The following PRR12 variants were observed in gnomAD, a reference collection of about 807,000 sequenced individuals.
The protein encoded by PRR12 is proline rich 12.
A neutral mutation model predicts 138.0 loss-of-function variants in PRR12; 12 were observed. That is an observed-to-expected ratio of 0.09 (90% confidence interval 0.06 to 0.14). PRR12 has a LOEUF of 0.14. Among genes scored for constraint, PRR12 ranks in the 10% least tolerant of loss-of-function variants. PRR12 has a pLI of 1.00. For missense variants in PRR12, 2,692 were observed against 2,861.3 expected (o/e 0.94, Z 1.35); for synonymous variants, 1,567 against 1,291.7 (o/e 1.21, Z -4.57).
Position 49,597,095 on chromosome 19 carries a change from C to T in PRR12, c.2760C>T (p.Gly920=). The T allele has an allele frequency of 6.4e-7, 1 of 1,551,510 alleles. No individual in the cohort carries two copies. The highest frequency in any genetic ancestry group is 8.7e-7 in the Non-Finnish European group (1 of 1,147,750). The change falls in exon 4 of 14, where the codon GGC becomes GGT. Residue 920 remains glycine (G), a synonymous_variant. Transcript: ENST00000418929. This position sits in a 1 kb window ranked among gnomAD's most constrained non-coding sequence, Gnocchi z 6.3. ...CCTACCGCAGCCCCAGCCCGCAAGGCACCAAGGCGCCGCGTTTCGTGCCGC... is the reference window on the plus strand; with the variant it reads ...CCTACCGCAGCCCCAGCCCGCAAGGTACCAAGGCGCCGCGTTTCGTGCCGC... ...AGAYRSPSPQ[G]TKAPRFVPLT... is the part of the protein sequence containing the mutation.
In PRR12 at chr19:49,596,843, T is replaced by TACACCC; in HGVS notation, c.2508_2509insACACCC (p.Pro836_Pro837insThrPro). The TACACCC allele has an allele frequency of 1.3e-6, 2 of 1,546,748 alleles. No individual in the cohort carries two copies. The highest frequency in any genetic ancestry group is 1.7e-6 in the Non-Finnish European group (2 of 1,148,744). ...CCCGCGATGGGGCACCCCAGCCACC[T>TACACCC]CCACCGCCACCCCCGCCTCCACCAC... On this transcript the variant is annotated inframe_insertion, in exon 4 of 14. Coordinates refer to ENST00000418929, the MANE Select transcript of PRR12 (RefSeq NM_020719.3). The surrounding 1 kb of genome is among the most constrained non-coding windows in gnomAD (Gnocchi z 5.6).
rs1568425501 is a variant in PRR12, at chr19:49,601,647, TGCCGCC to T, written c.4506_4511del (p.Pro1506_Pro1507del). ...CCCAGCTCACCACCGCCACCGCCGCTGCCGCCGCCACCTCCACCAGCCATGCCCTCG... is the reference window on the plus strand; with the variant it reads ...CCCAGCTCACCACCGCCACCGCCGCTGCCACCTCCACCAGCCATGCCCTCG... On this transcript the variant is annotated inframe_deletion, in exon 6 of 14. Transcript: ENST00000418929. 2.0e-6 allele frequency: 3 copies of T among 1,535,778 alleles called. No homozygotes were observed. The highest frequency in any genetic ancestry group is 2.0e-5 in the Admixed American group (1 of 50,634).
Position 49,625,101 on chromosome 19 carries a change from C to G in PRR12, c.5869-4C>G. ...GGGGCTGAGGCATCTCCACTCCTAC[C>G]CAGGAGTTCAAGGTTGAGCTGGAAA... On this transcript the variant is annotated splice_region_variant and splice_polypyrimidine_tract_variant and intron_variant, in intron 12 of 13. Transcript: ENST00000418929. This position sits in a 1 kb window ranked among gnomAD's most constrained non-coding sequence, Gnocchi z 5.5. The G allele has an allele frequency of 6.8e-6, 11 of 1,612,802 alleles. No individual in the cohort carries two copies. Among genetic ancestry groups the G allele is most frequent in the Non-Finnish European group, 9.3e-6 (11 of 1,178,922 alleles).
chr19:49,598,638 A>G (rs2080791815), intron 4 of PRR12, among the ~76,000 whole-genome samples: 2 of 152,102 alleles, frequency 1.3e-5, no homozygotes, highest in African/African-American at 4.8e-5. Context: ...TGGTCAGCGT[A>G]GTGAGACCCT....
Position 49,597,119 on chromosome 19 carries a change from G to T in PRR12, c.2784G>T (p.Pro928=). The change falls in exon 4 of 14, where the codon CCG becomes CCT. Residue 928 remains proline, a synonymous_variant. Coordinates refer to ENST00000418929, the MANE Select transcript of PRR12 (RefSeq NM_020719.3). The surrounding 1 kb of genome is among the most constrained non-coding windows in gnomAD (Gnocchi z 6.3). The part of the protein sequence containing the change: ...PQGTKAPRFV[P]LTSICFPDSL... ...GCACCAAGGCGCCGCGTTTCGTGCC[G>T]CTCACCTCCATCTGCTTCCCTGACT... 2 of 1,550,914 alleles carry T rather than the reference G, an allele frequency of 1.3e-6. No individual in the cohort carries two copies. Among genetic ancestry groups the T allele is most frequent in the South Asian group, 1.2e-5 (1 of 84,120 alleles).
In PRR12 at chr19:49,599,429, C is replaced by T. The variant is rs750374231; in HGVS notation, c.3836C>T (p.Ser1279Leu). 5.6e-6 allele frequency: 9 copies of T among 1,609,220 alleles called. 1 individual carries two copies. Among genetic ancestry groups the T allele is most frequent in the African/African-American group, 1.3e-5 (1 of 74,970 alleles). Reference sequence around the variant, plus strand: ...GAGGAGAAGCAGCCGGAGATGAAGTCGGGTTTCATGGCCTCCTTCTTGGAC... The same window carrying T: ...GAGGAGAAGCAGCCGGAGATGAAGTTGGGTTTCATGGCCTCCTTCTTGGAC... ...EVEEKQPEMK[S>L]GFMASFLDFL... The change falls in exon 5 of 14, where the codon TCG becomes TTG. Residue 1279 changes from serine (S) to leucine (L), a missense_variant. Around this residue, in one of 11 missense-constraint regions of PRR12, gnomAD observed 326 missense variants for 344.2 expected, o/e 0.95. Coordinates refer to ENST00000418929, the MANE Select transcript of PRR12 (RefSeq NM_020719.3). The surrounding 1 kb of genome is among the most constrained non-coding windows in gnomAD (Gnocchi z 5.0).
intron 6 of PRR12, among the ~76,000 whole-genome samples, chr19:49,611,409 G>GCACA (rs2080865216): frequency 6.6e-6 from 1 of 151,914 alleles, no homozygotes; most frequent in Non-Finnish European, 1.5e-5. Flanking sequence ...GGCCGAGGCA[G>GCACA]GTGGATCACC....
intron 10 of PRR12, 74 bp from the exon 11 acceptor site, chr19:49,621,451 A>G (rs1478804821): frequency 8.3e-7 from 1 of 1,206,714 alleles, no homozygotes; most frequent in Non-Finnish European, 1.2e-6. Flanking sequence ...GGGGACCCAG[A>G]CTCCATGACC....
At chr19:49,617,561 T>G (rs1474447599) in intron 9 of PRR12, among the ~76,000 whole-genome samples, 1 of 151,994 alleles carries the variant, frequency 6.6e-6, no homozygotes, top group Non-Finnish European at 1.5e-5. Context: ...AGCCCATGAG[T>G]TCAAGGCTAT....
At chr19:49,623,190 G>A (rs963686583) in intron 11 of PRR12, among the ~76,000 whole-genome samples, 3 of 152,086 alleles carry the variant, frequency 2.0e-5, no homozygotes, top group Middle Eastern at 3.4e-3. Flanking sequence ...TGGAGGATAT[G>A]AATCTAGTCT....
At chr19:49,608,862 C>A (rs1489891490) in intron 6 of PRR12, among the ~76,000 whole-genome samples, 1 of 151,542 alleles carries the variant, frequency 6.6e-6, no homozygotes, top group African/African-American at 2.4e-5. Context: ...ACAAAAAAAA[C>A]AAATCAATCT....
Position 49,626,061 on chromosome 19 carries a change from G to T in PRR12, c.*454G>T, listed in dbSNP as rs1462831154. On this transcript the variant is annotated 3_prime_UTR_variant, in exon 14 of 14. Transcript: ENST00000418929. ...ATCTTTGCTAAAGGCCATTCCCTCCGCAGGGCATTTGGCGTCGGGTGGGAG... is the reference window on the plus strand; with the variant it reads ...ATCTTTGCTAAAGGCCATTCCCTCCTCAGGGCATTTGGCGTCGGGTGGGAG... The T allele has an allele frequency of 6.5e-6, 1 of 152,850 alleles. No homozygotes were observed. Among genetic ancestry groups the T allele is most frequent in the Non-Finnish European group, 1.5e-5 (1 of 68,700 alleles). 9.5% of individuals were successfully genotyped at this position (152,850 alleles called of 1,614,324 possible).
intron 6 of PRR12, among the ~76,000 whole-genome samples, chr19:49,607,503 C>A (rs1179212680): frequency 1.3e-5 from 2 of 151,576 alleles, no homozygotes; most frequent in Admixed American, 1.3e-4. Flanking sequence ...GTCAGGAGTT[C>A]AAGACCAGCT....
At chr19:49,624,423 T>A (rs1407350370) in intron 11 of PRR12, among the ~76,000 whole-genome samples, 1 of 150,262 alleles carries the variant, frequency 6.7e-6, no homozygotes, top group East Asian at 2.0e-4. Context: ...CTGAGAATTC[T>A]GGGGTAGGTG....
In PRR12 at chr19:49,625,962, T is replaced by A. The variant is rs2080953452; in HGVS notation, c.*355T>A. The A allele has an allele frequency of 6.1e-6, 1 of 163,512 alleles. No individual in the cohort carries two copies. The highest frequency in any genetic ancestry group is 2.4e-5 in the African/African-American group (1 of 41,822). 10.1% of individuals were successfully genotyped at this position (163,512 alleles called of 1,614,324 possible). ...ACATAATGTATAGGAAAAGTCTATG[T>A]ATGGCTGGGGGGGGTGGGGTGGCTT... On this transcript the variant is annotated 3_prime_UTR_variant, in exon 14 of 14. Transcript: ENST00000418929. This position sits in a 1 kb window ranked among gnomAD's most constrained non-coding sequence, Gnocchi z 5.5.
intron 5 of PRR12, among the ~76,000 whole-genome samples, chr19:49,600,771 GGCTCACTGCAACCTCTGCCTTCC>G (rs1480565246): frequency 6.6e-6 from 1 of 151,640 alleles, no homozygotes; most frequent in Admixed American, 6.6e-5. Context: ...GTGCGATCTT[GGCTCACTGCAACCTCTGCCTTCC>G]GCTCACCGCA....
In PRR12 at chr19:49,597,428, G is replaced by T; in HGVS notation, c.3093G>T (p.Gln1031His). The T allele has an allele frequency of 6.5e-7, 1 of 1,538,370 alleles. No individual in the cohort carries two copies. The stretch of plus-strand genomic sequence containing the variant: ...ACGCCGAGCCGCTGGGCCTGATCCA[G>T]AGTGGCCCCCACCAGGCGGCGCCAC... ...TVNAEPLGLI[Q>H]SGPHQAAPPP... The change falls in exon 4 of 14, where the codon CAG becomes CAT. Residue 1031 changes from glutamine (Q) to histidine (H), a missense_variant. Coordinates refer to ENST00000418929, the MANE Select transcript of PRR12 (RefSeq NM_020719.3). The surrounding 1 kb of genome is among the most constrained non-coding windows in gnomAD (Gnocchi z 6.3).
rs1555742564 is a variant in PRR12, at chr19:49,607,361, G to GCGCACACACACACACACACA, written c.4773+5444_4773+5445insGCACACACACACACACACAC. 3.4e-3 allele frequency among the ~76,000 whole-genome samples: 509 copies of GCGCACACACACACACACACA among 147,854 alleles called. 2 individuals are homozygous for GCGCACACACACACACACACA. Among genetic ancestry groups the GCGCACACACACACACACACA allele is most frequent in the Middle Eastern group, 0.014 (4 of 282 alleles). On this transcript the variant is annotated intron_variant, in intron 6 of 13. Transcript: ENST00000418929. ...GAGTGAGCCTCTGTCATGTACGTGTGCACACACACACACACACACAGAGTT... is the reference window on the plus strand; with the variant it reads ...GAGTGAGCCTCTGTCATGTACGTGTGCGCACACACACACACACACACACACACACACACACACACAGAGTT...
Position 49,596,538 on chromosome 19 carries a change from G to A in PRR12, c.2203G>A (p.Gly735Ser), listed in dbSNP as rs753732058. 6.2e-7 allele frequency: 1 copy of A among 1,608,802 alleles called. No homozygotes were observed. ...GGAGAAGAAGAAAGGGCCAGAGCGG[G>A]GTGGCGAGACCCCCGAGGGGCTGGC... ...LKEKKKGPER[G>S]GETPEGLATS... Residue 735 changes from glycine (G) to serine (S), a missense_variant, in exon 4 of 14, where the codon GGT (glycine) becomes AGT (serine). This residue lies in a region of PRR12 where 840 missense variants were observed against 689.8 expected (regional missense o/e 1.22). Coordinates refer to ENST00000418929, the MANE Select transcript of PRR12 (RefSeq NM_020719.3). This position sits in a 1 kb window ranked among gnomAD's most constrained non-coding sequence, Gnocchi z 5.6.
Sources: allele counts gnomAD v4.1 joint callset (sites outside exome capture counted in the v4.1 genomes callset), GRCh38; gene constraint gnomAD v4.1.1; regional missense constraint gnomAD v4.1.1; non-coding constraint Gnocchi (gnomAD v3.1); transcripts MANE v1.5; gene names NCBI Gene and HGNC (gene_info 2026-07-23, HGNC 2026-07-21).